The following PLXNA4 variants were observed in gnomAD, a reference collection of about 807,000 sequenced individuals.
PLXNA4 encodes plexin-A4.
PLXNA4 carries 44 observed loss-of-function variants against 191.8 expected under a neutral mutation model. That is an observed-to-expected ratio of 0.23 (90% confidence interval 0.18 to 0.29). The LOEUF (loss-of-function observed/expected upper bound fraction) is 0.29, where lower values mean the gene tolerates loss of function less well. Among genes scored for constraint, PLXNA4 ranks in the 10% least tolerant of loss-of-function variants. The pLI, the probability that PLXNA4 is intolerant of heterozygous loss-of-function variation, is 1.00. For missense variants in PLXNA4, 1,800 were observed against 2,488.8 expected, an observed-to-expected ratio of 0.72 and a Z score of 5.89; for synonymous variants, 1,082 against 1,009.5, an observed-to-expected ratio of 1.07 and a Z score of -1.36.
intron 3 of PLXNA4, among the ~76,000 whole-genome samples, chr7:132,435,494 CCAATCTCCTA>C (rs1015931354): frequency 3.9e-5 from 6 of 152,218 alleles, no homozygotes; most frequent in Non-Finnish European, 8.8e-5. Flanking sequence ...TCCAACCACC[CCAATCTCCTA>C]CAAAGAGAAC....
upstream of PLXNA4, among the ~76,000 whole-genome samples, chr7:132,579,439 G>A (rs540291230): frequency 9.5e-5 from 13 of 136,340 alleles, no homozygotes; most frequent in South Asian, 4.6e-4. Flanking sequence ...GTGTGTGTGC[G>A]TGTGTGTGTG....
At chr7:132,468,678 C>T (rs1328970536) in intron 3 of PLXNA4, among the ~76,000 whole-genome samples, 1 of 151,832 alleles carries the variant, frequency 6.6e-6, no homozygotes, top group Non-Finnish European at 1.5e-5. Context: ...GCAGACAGGT[C>T]CTCCTCCACT....
intron 2 of PLXNA4, among the ~76,000 whole-genome samples, chr7:132,642,111 T>G (rs1358509837): frequency 1.3e-5 from 2 of 152,154 alleles, no homozygotes; most frequent in African/African-American, 4.8e-5. Context: ...AGAAAATGAA[T>G]TTACTGAAGA....
chr7:132,317,533 T>C (rs981722869), intron 3 of PLXNA4, among the ~76,000 whole-genome samples: 2 of 152,128 alleles, frequency 1.3e-5, no homozygotes, highest in African/African-American at 4.8e-5. Context: ...TTGGGTTGCA[T>C]TGGATGGGGT....
At chr7:132,207,649 A>C (rs997761234) in intron 10 of PLXNA4, among the ~76,000 whole-genome samples, 2 of 152,048 alleles carry the variant, frequency 1.3e-5, no homozygotes, top group Non-Finnish European at 2.9e-5. Flanking sequence ...CCCACACTGA[A>C]TTTTCTTCTT....
intron 3 of PLXNA4, among the ~76,000 whole-genome samples, chr7:132,359,376 A>G (rs532233524): frequency 6.6e-6 from 1 of 151,998 alleles, no homozygotes; most frequent in South Asian, 2.1e-4. Flanking sequence ...GCATACCACC[A>G]TGCCGGATTT....
chr7:132,479,918 A>G (rs1435069215), intron 3 of PLXNA4, among the ~76,000 whole-genome samples: 2 of 152,164 alleles, frequency 1.3e-5, no homozygotes, highest in Admixed American at 6.5e-5. Context: ...TCGGCCTCCC[A>G]AAGTACTGAG....
chr7:132,374,348 C>T (rs1804569934), intron 3 of PLXNA4, among the ~76,000 whole-genome samples: 1 of 152,154 alleles, frequency 6.6e-6, no homozygotes, highest in Non-Finnish European at 1.5e-5. Flanking sequence ...GCAATTCTAT[C>T]CAGGGTCTGG....
intron 9 of PLXNA4, among the ~76,000 whole-genome samples, chr7:132,221,096 A>C (rs1015196794): frequency 3.3e-5 from 5 of 152,002 alleles, no homozygotes; most frequent in African/African-American, 1.2e-4. Context: ...TGATCCTCCC[A>C]CCTTGGCCTG....
rs886868765 is a variant in PLXNA4 at position 132,508,738 on chromosome 7, G to A, written c.-45C>T. 8 of 1,464,324 alleles carry A rather than the reference G, an allele frequency of 5.5e-6. No individual in the cohort carries two copies. The highest frequency in any genetic ancestry group is 1.4e-5 in the African/African-American group (1 of 70,708). 90.7% of individuals were successfully genotyped at this position (1,464,324 alleles called of 1,614,324 possible). On this transcript the variant is annotated 5_prime_UTR_variant, in exon 2 of 32. The change creates a new upstream start codon in the 5' untranslated region. Transcript: ENST00000321063. This position sits in a 1 kb window ranked among gnomAD's most constrained non-coding sequence, Gnocchi z 4.4. Reference sequence around the variant, plus strand: ...GGCACAGCAGCACTCAGGCACAGTCGTCCCCTCAGAGGGCCAGGACTCAGC... The same window carrying A: ...GGCACAGCAGCACTCAGGCACAGTCATCCCCTCAGAGGGCCAGGACTCAGC...
chr7:132,593,390 T>C (rs1246791355), intron 2 of PLXNA4, among the ~76,000 whole-genome samples: 1 of 152,158 alleles, frequency 6.6e-6, no homozygotes, highest in African/African-American at 2.4e-5. Flanking sequence ...AAAATCAAGA[T>C]GAATTTTGTG....
intron 4 of PLXNA4, among the ~76,000 whole-genome samples, chr7:132,262,230 A>G (rs2116254139): frequency 6.6e-6 from 1 of 152,218 alleles, no homozygotes; most frequent in East Asian, 1.9e-4. Flanking sequence ...TGGTGGGGAG[A>G]AGGTTACACC....
rs992031232 is a variant in PLXNA4 at position 132,491,145 on chromosome 7, G to A, written c.1189-1671C>T. ...TTATTTTCTGCTCTATAAAGATGAC[G>A]GAAACAATCCCCGCTCTTTGATGGG... On this transcript the variant is annotated intron_variant, in intron 2 of 31. Coordinates refer to ENST00000321063, the MANE Select transcript of PLXNA4 (RefSeq NM_020911.2). Among the ~76,000 whole-genome samples the A allele has an allele frequency of 9.2e-5, 14 of 152,166 alleles. No homozygotes were observed. The South Asian group carries it at 1.9e-3, about 20-fold the overall frequency.
At chr7:132,176,617 C>T (rs202006109) in intron 20 of PLXNA4, among the ~76,000 whole-genome samples, 3 of 62,990 alleles carry the variant, frequency 4.8e-5, no homozygotes, top group Admixed American at 1.6e-4. Flanking sequence ...TGTATGACTG[C>T]ATGTGTGTGT....
chr7:132,379,195 TC>T (rs1804788731), intron 3 of PLXNA4, among the ~76,000 whole-genome samples: 1 of 152,140 alleles, frequency 6.6e-6, no homozygotes, highest in Non-Finnish European at 1.5e-5. Flanking sequence ...CATACAAAAT[TC>T]CCCATGATTG....
intron 29 of PLXNA4, 109 bp from the exon 30 acceptor site, chr7:132,140,920 T>C (rs951909623): frequency 4.0e-6 from 6 of 1,510,364 alleles, no homozygotes; most frequent in Non-Finnish European, 5.3e-6. Context: ...CTAATAGAAC[T>C]TAAGAGCCTT....
intron 2 of PLXNA4, among the ~76,000 whole-genome samples, chr7:132,636,934 T>C (rs980316593): frequency 1.3e-5 from 2 of 152,130 alleles, no homozygotes; most frequent in Non-Finnish European, 2.9e-5. Context: ...GTGGGAAGAA[T>C]TCTGCTCCAT....
intron 3 of PLXNA4, among the ~76,000 whole-genome samples, chr7:132,416,182 A>C (rs1794653724): frequency 6.6e-6 from 1 of 152,206 alleles, no homozygotes. Context: ...AGATGATGGC[A>C]AATAGAAACA....
intron 2 of PLXNA4, among the ~76,000 whole-genome samples, chr7:132,614,979 T>A (rs1432914846): frequency 6.6e-6 from 1 of 152,142 alleles, no homozygotes; most frequent in East Asian, 1.9e-4. Context: ...TCCCAAGATG[T>A]CCCTTGCCCT....
Sources: allele counts gnomAD v4.1 joint callset (sites outside exome capture counted in the v4.1 genomes callset), GRCh38; gene constraint gnomAD v4.1.1; non-coding constraint Gnocchi (gnomAD v3.1); transcripts MANE v1.5; gene names NCBI Gene and HGNC (gene_info 2026-07-23, HGNC 2026-07-21).